The following ENAH variants were observed in gnomAD, a reference collection of about 807,000 sequenced individuals.
ENAH encodes the protein protein enabled homolog.
A neutral mutation model predicts 78.7 loss-of-function variants in ENAH; 23 were observed. The ratio of observed to expected loss-of-function variants is 0.29; its 90% CI spans 0.21 to 0.41. The LOEUF (loss-of-function observed/expected upper bound fraction) is 0.41, where lower values mean the gene tolerates loss of function less well. Among genes scored for constraint, ENAH ranks in the 10% least tolerant of loss-of-function variants. The pLI is 1.00. For synonymous variants in ENAH, 226 were observed against 241.0 expected (o/e 0.94, Z 0.58); for missense variants, 544 against 691.0 (o/e 0.79, Z 2.39).
At chr1:225,510,380 CTCA>C (rs935507396) in intron 10 of ENAH, among the ~76,000 whole-genome samples, 8 of 152,060 alleles carry the variant, frequency 5.3e-5, no homozygotes, top group South Asian at 2.1e-4. Flanking sequence ...ATCTATAGCT[CTCA>C]TCATATTCTA....
At position 225,504,739 on chromosome 1, in the gene ENAH, C is replaced by T. The variant is rs768530363; in HGVS notation, c.1538+3212G>A. Among the ~76,000 whole-genome samples, 118 of 152,236 alleles carry T rather than the reference C, an allele frequency of 7.8e-4. 1 individual carries two copies. Among genetic ancestry groups the T allele is most frequent in the Non-Finnish European group, 8.7e-4 (59 of 68,006 alleles). ...AAGGCGAACAGCCTTTAAAAGAAAA[C>T]GCTTAAGCTACAAATGGCCTAGATA... On this transcript the variant is annotated intron_variant, in intron 11 of 13. Transcript: ENST00000366843.
At chr1:225,566,186 T>C (rs948965675) in intron 2 of ENAH, among the ~76,000 whole-genome samples, 1 of 152,228 alleles carries the variant, frequency 6.6e-6, no homozygotes, top group African/African-American at 2.4e-5. Flanking sequence ...TGCTTCCCTG[T>C]GCTGATAGAA....
At chr1:225,522,750 C>G (rs1297143388) in intron 4 of ENAH, among the ~76,000 whole-genome samples, 1 of 152,082 alleles carries the variant, frequency 6.6e-6, no homozygotes, top group Non-Finnish European at 1.5e-5. Flanking sequence ...ATATAATGCT[C>G]TAAGCAATCT....
chr1:225,530,073 A>G lies in ENAH; in HGVS notation c.434+481T>C, dbSNP rs2096530489. Among the ~76,000 whole-genome samples, 3 of 152,236 alleles carry G rather than the reference A, an allele frequency of 2.0e-5. No individual in the cohort carries two copies. In the South Asian group the frequency reaches 6.2e-4, roughly 31 times the overall value. ...GCCTACGTACTCTGACCACTTTCAGAGAACTCCTAGTCATGGAAGAATGCT... is the reference window on the plus strand; with the variant it reads ...GCCTACGTACTCTGACCACTTTCAGGGAACTCCTAGTCATGGAAGAATGCT... On this transcript the variant is annotated intron_variant, in intron 4 of 13. Transcript: ENST00000366843.
chr1:225,552,134 C>CTTTTTTTTTTT, intron 3 of ENAH, among the ~76,000 whole-genome samples: 1 of 115,966 alleles, frequency 8.6e-6, no homozygotes, highest in Non-Finnish European at 1.7e-5. Flanking sequence ...ACTCCTGATT[C>CTTTTTTTTTTT]TTTTTTTTTT....
intron 1 of ENAH, among the ~76,000 whole-genome samples, chr1:225,607,795 A>C (rs1205358615): frequency 6.6e-6 from 1 of 152,140 alleles, no homozygotes; most frequent in Non-Finnish European, 1.5e-5. Context: ...AAAACAAAAC[A>C]GCCTAAAAAA....
chr1:225,609,215 G>A (rs1166768658), intron 1 of ENAH, among the ~76,000 whole-genome samples: 1 of 152,050 alleles, frequency 6.6e-6, no homozygotes. Context: ...ATTACCTGAT[G>A]TGTTTATTAT....
chr1:225,598,049 G>A (rs1247250834), intron 1 of ENAH, among the ~76,000 whole-genome samples: 2 of 151,758 alleles, frequency 1.3e-5, no homozygotes. Context: ...TTTAAGGTAA[G>A]GAGACAGTTA....
chr1:225,500,843 A>T, intron 12 of ENAH, 149 bp downstream of exon 12: 1 of 717,430 alleles, frequency 1.4e-6, no homozygotes. Flanking sequence ...GCAAAAATGC[A>T]GTACTACTAA....
At chr1:225,641,159 G>A (rs1187376539) in intron 1 of ENAH, among the ~76,000 whole-genome samples, 8 of 151,408 alleles carry the variant, frequency 5.3e-5, no homozygotes, top group African/African-American at 1.2e-4. Context: ...CACCGCGCCC[G>A]GCCAAATACA....
At chr1:225,570,920 G>A (rs768848991) in intron 1 of ENAH, among the ~76,000 whole-genome samples, 17 of 152,084 alleles carry the variant, frequency 1.1e-4, no homozygotes, top group South Asian at 2.1e-4. Flanking sequence ...CTGAGATCGC[G>A]CCATGACACT....
chr1:225,499,542 C>T (rs1404838005), intron 12 of ENAH, among the ~76,000 whole-genome samples: 1 of 152,058 alleles, frequency 6.6e-6, no homozygotes, highest in Non-Finnish European at 1.5e-5. Context: ...CGTGGTAGTG[C>T]ACACCTGTAA....
At chr1:225,541,165 T>C (rs1036585067) in intron 3 of ENAH, among the ~76,000 whole-genome samples, 1 of 152,216 alleles carries the variant, frequency 6.6e-6, no homozygotes, top group Non-Finnish European at 1.5e-5. Flanking sequence ...CCGGGCACGG[T>C]GGCTCATGCC....
At chr1:225,599,130 T>G (rs1045278538) in intron 1 of ENAH, among the ~76,000 whole-genome samples, 1 of 152,110 alleles carries the variant, frequency 6.6e-6, no homozygotes, top group African/African-American at 2.4e-5. Context: ...AATCCATTCA[T>G]GCAAAAACAA....
chr1:225,620,623 G>A (rs1055391613), intron 1 of ENAH, among the ~76,000 whole-genome samples: 1 of 152,098 alleles, frequency 6.6e-6, no homozygotes, highest in Admixed American at 6.6e-5. Context: ...ACCAAATCTG[G>A]AGCCTCAATC....
At chr1:225,522,787 C>A (rs977439970) in intron 4 of ENAH, among the ~76,000 whole-genome samples, 4 of 151,960 alleles carry the variant, frequency 2.6e-5, no homozygotes, top group Non-Finnish European at 5.9e-5. Flanking sequence ...AAAAGATACA[C>A]CCATATTATT....
intron 1 of ENAH, among the ~76,000 whole-genome samples, chr1:225,590,369 C>T (rs2096869761): frequency 6.6e-6 from 1 of 151,768 alleles, no homozygotes; most frequent in Admixed American, 6.6e-5. Flanking sequence ...GAGGCTGAGG[C>T]TCAAAAATCA....
At chr1:225,510,416 T>C (rs2096367282) in intron 10 of ENAH, among the ~76,000 whole-genome samples, 1 of 152,148 alleles carries the variant, frequency 6.6e-6, no homozygotes, top group African/African-American at 2.4e-5. Context: ...GCCCAAAATA[T>C]GGTTCGGATT....
chr1:225,650,027 T>C (rs1662679894), intron 1 of ENAH, among the ~76,000 whole-genome samples: 1 of 152,174 alleles, frequency 6.6e-6, no homozygotes, highest in African/African-American at 2.4e-5. Flanking sequence ...TAAGCATATA[T>C]TAATATAACC....
Sources: gnomAD v4.1 joint callset for allele counts (sites outside exome capture counted in the v4.1 genomes callset) on GRCh38, gnomAD v4.1.1 for gene constraint, MANE v1.5 for transcripts, NCBI Gene and HGNC (gene_info 2026-07-23, HGNC 2026-07-21) for gene names.